HIVEP2: variants seen among roughly 807,000 people sequenced by gnomAD.
HIVEP2 encodes transcription factor HIVEP2.
In HIVEP2, 14 loss-of-function variants were observed where a neutral mutation model predicts 180.7. The ratio of observed to expected loss-of-function variants is 0.08; its 90% CI spans 0.05 to 0.12. The LOEUF (loss-of-function observed/expected upper bound fraction) is 0.12. HIVEP2 is among the 10% of genes least tolerant of loss of function. The pLI is 1.00. For synonymous variants in HIVEP2, 1,184 were observed against 1,136.4 expected (o/e 1.04, Z -0.84); for missense variants, 2,579 against 3,008.5 (o/e 0.86, Z 3.34).
At chr6:142,793,726 A>C (rs1321351668) in intron 2 of HIVEP2, among the ~76,000 whole-genome samples, 8 of 131,442 alleles carry the variant, frequency 6.1e-5, no homozygotes, top group Non-Finnish European at 1.1e-4. Flanking sequence ...TCTTTCTTTC[A>C]GACAGGGTCC....
chr6:142,758,682 A>C (rs745743112), intron 9 of HIVEP2, among the ~76,000 whole-genome samples: 50 of 152,168 alleles, frequency 3.3e-4, no homozygotes, highest in Admixed American at 5.9e-4. Flanking sequence ...GAGCCGTGGA[A>C]TTAGGCAGGA....
At chr6:142,905,226 G>C (rs996696671) in intron 1 of HIVEP2, among the ~76,000 whole-genome samples, 1 of 152,088 alleles carries the variant, frequency 6.6e-6, no homozygotes, top group African/African-American at 2.4e-5. Flanking sequence ...ACTATTACCA[G>C]ATAACTTAGG....
At chr6:142,847,299 A>T (rs972409630) in intron 1 of HIVEP2, among the ~76,000 whole-genome samples, 6 of 152,316 alleles carry the variant, frequency 3.9e-5, no homozygotes, top group Admixed American at 3.9e-4. Flanking sequence ...CTCTTTCACC[A>T]GTCCTAAAGC....
At chr6:142,875,282 G>A (rs890255796) in intron 1 of HIVEP2, among the ~76,000 whole-genome samples, 1 of 152,084 alleles carries the variant, frequency 6.6e-6, no homozygotes, top group Non-Finnish European at 1.5e-5. Flanking sequence ...AACAAGCTCA[G>A]CAAGTTTAAG....
intron 1 of HIVEP2, among the ~76,000 whole-genome samples, chr6:142,880,023 T>C (rs1345562387): frequency 6.6e-6 from 1 of 152,142 alleles, no homozygotes. Flanking sequence ...GTGAATGAAA[T>C]TGATAATTTG....
At chr6:142,920,799 T>C (rs903031543) in intron 1 of HIVEP2, among the ~76,000 whole-genome samples, 14 of 151,918 alleles carry the variant, frequency 9.2e-5, no homozygotes, top group South Asian at 6.2e-4. Flanking sequence ...CTAAGCAACA[T>C]AGGGAGAACC....
At chr6:142,925,336 A>G (rs1251950288) in intron 1 of HIVEP2, among the ~76,000 whole-genome samples, 1 of 152,204 alleles carries the variant, frequency 6.6e-6, no homozygotes, top group Non-Finnish European at 1.5e-5. Context: ...CTCCTAACAT[A>G]ATACCAAGGA....
intron 1 of HIVEP2, among the ~76,000 whole-genome samples, chr6:142,842,954 C>T (rs1775406665): frequency 6.6e-6 from 1 of 152,080 alleles, no homozygotes; most frequent in Non-Finnish European, 1.5e-5. Context: ...CTGACAACAT[C>T]GTAGTTACAG....
chr6:142,883,117 C>A (rs1776612591), intron 1 of HIVEP2, among the ~76,000 whole-genome samples: 1 of 152,052 alleles, frequency 6.6e-6, no homozygotes, highest in African/African-American at 2.4e-5. Context: ...TACACATCAT[C>A]ATACACGGAT....
At chr6:142,840,294 ATT>A (rs111337585) in intron 1 of HIVEP2, among the ~76,000 whole-genome samples, 60 of 34,418 alleles carry the variant, frequency 1.7e-3, no homozygotes, top group Middle Eastern at 0.011. Flanking sequence ...ATCCTTATTT[ATT>A]TTTTTTTTTT....
At chr6:142,866,799 TG>T (rs1175461763) in intron 1 of HIVEP2, among the ~76,000 whole-genome samples, 24 of 152,276 alleles carry the variant, frequency 1.6e-4, no homozygotes, top group Non-Finnish European at 3.2e-4. Context: ...TCTAATGGGG[TG>T]AAAGTGCAAT....
At chr6:142,881,574 T>G (rs373337576) in intron 1 of HIVEP2, among the ~76,000 whole-genome samples, 2 of 152,174 alleles carry the variant, frequency 1.3e-5, no homozygotes, top group Non-Finnish European at 2.9e-5. Context: ...TAAAAAGTCT[T>G]GGACCTGAGT....
intron 2 of HIVEP2, among the ~76,000 whole-genome samples, chr6:142,818,386 C>T (rs984883207): frequency 2.2e-4 from 33 of 152,098 alleles, no homozygotes; most frequent in African/African-American, 4.1e-4. Flanking sequence ...GCCCATACAA[C>T]GCTTTTAAAG....
chr6:142,753,965 G>C, intron 9 of HIVEP2, 34 bp from the exon 10 acceptor site: 2 of 1,167,884 alleles, frequency 1.7e-6, no homozygotes, highest in Non-Finnish European at 2.5e-6. Context: ...ACAAAATTCA[G>C]AGCCTGCTAC....
At chr6:142,840,029 A>T (rs1775323415) in intron 1 of HIVEP2, among the ~76,000 whole-genome samples, 1 of 152,096 alleles carries the variant, frequency 6.6e-6, no homozygotes, top group South Asian at 2.1e-4. Context: ...TCAGCTTAGG[A>T]TGGGAAGGAA....
intron 1 of HIVEP2, among the ~76,000 whole-genome samples, chr6:142,900,395 A>T (rs1418168587): frequency 1.3e-5 from 2 of 152,170 alleles, no homozygotes; most frequent in Non-Finnish European, 2.9e-5. Flanking sequence ...ACTCCACGCC[A>T]CCTCACCACC....
At chr6:142,940,483 T>C (rs903101879) in intron 1 of HIVEP2, among the ~76,000 whole-genome samples, 1 of 152,194 alleles carries the variant, frequency 6.6e-6, no homozygotes, top group Non-Finnish European at 1.5e-5. Context: ...GATCAACCTG[T>C]AACATGATCA....
intron 1 of HIVEP2, among the ~76,000 whole-genome samples, chr6:142,930,249 G>C (rs529136098): frequency 6.6e-6 from 1 of 152,176 alleles, no homozygotes; most frequent in Non-Finnish European, 1.5e-5. Flanking sequence ...ATATAGGAAT[G>C]AAGAGAGAAG....
intron 3 of HIVEP2, among the ~76,000 whole-genome samples, chr6:142,781,983 C>A (rs907814056): frequency 6.6e-6 from 1 of 152,192 alleles, no homozygotes; most frequent in South Asian, 2.1e-4. Flanking sequence ...GGAAATTAAT[C>A]ATTACTTGAG....
Sources: gnomAD v4.1 joint callset for allele counts (sites outside exome capture counted in the v4.1 genomes callset) on GRCh38, gnomAD v4.1.1 for gene constraint, MANE v1.5 for transcripts, NCBI Gene and HGNC (gene_info 2026-07-23, HGNC 2026-07-21) for gene names.